The following RGS20 variants were observed in gnomAD, a reference collection of about 807,000 sequenced individuals.
RGS20 encodes the protein gz-selective GTPase-activating protein.
A neutral mutation model predicts 33.6 loss-of-function variants in RGS20; 30 were observed. The ratio of observed to expected loss-of-function variants is 0.89; its 90% CI spans 0.67 to 1.21. RGS20 has a LOEUF of 1.21. Ranked by LOEUF, RGS20 falls within the 50% of genes most tolerant of loss-of-function variation. The probability of loss-of-function intolerance (pLI) is 0.00; values close to 1 mark genes in which losing one functional copy is unlikely to be tolerated. For missense variants in RGS20, 472 were observed against 502.4 expected, an observed-to-expected ratio of 0.94 and a Z score of 0.58; for synonymous variants, 208 against 197.9, an observed-to-expected ratio of 1.05 and a Z score of -0.43.
At chr8:53,862,396 G>A (rs906836453) in intron 1 of RGS20, among the ~76,000 whole-genome samples, 1 of 152,150 alleles carries the variant, frequency 6.6e-6, no homozygotes, top group Non-Finnish European at 1.5e-5. Context: ...GGGGTTCAGG[G>A]CTACTTCCAG....
chr8:53,875,484 T>C (rs1585874315), intron 1 of RGS20, among the ~76,000 whole-genome samples: 1 of 147,588 alleles, frequency 6.8e-6, no homozygotes, highest in African/African-American at 2.5e-5. Flanking sequence ...AAACACCATC[T>C]CCTACCCTAA....
At chr8:53,931,211 A>C (rs1343908627) in intron 2 of RGS20, among the ~76,000 whole-genome samples, 1 of 152,172 alleles carries the variant, frequency 6.6e-6, no homozygotes, top group Non-Finnish European at 1.5e-5. Context: ...AAGAAGAAAA[A>C]AACAGTAAAG....
chr8:53,914,137 C>A (rs1211346756), intron 2 of RGS20, among the ~76,000 whole-genome samples: 1 of 150,060 alleles, frequency 6.7e-6, no homozygotes. Context: ...CTAAAGTGAT[C>A]CTCCTGCCTC....
At chr8:53,857,330 G>A (rs1811698135) in intron 1 of RGS20, among the ~76,000 whole-genome samples, 1 of 152,204 alleles carries the variant, frequency 6.6e-6, no homozygotes, top group South Asian at 2.1e-4. Context: ...AGGCCTTGTG[G>A]CTCAGGTCCT....
rs577393014 is a variant in RGS20, at chr8:53,917,450, C to T, written c.511-22126C>T. On this transcript the variant is annotated intron_variant, in intron 2 of 5. Transcript: ENST00000297313. ...AGGCATGAGCCACCATGCCCGGCCT[C>T]CTACTTTCTTTTTAACTGTTATTTT... 2.7e-3 allele frequency among the ~76,000 whole-genome samples: 412 copies of T among 152,202 alleles called. 4 individuals carry two copies. The highest frequency in any genetic ancestry group is 9.6e-3 in the African/African-American group (398 of 41,538).
intron 5 of RGS20, among the ~76,000 whole-genome samples, chr8:53,954,530 C>T (rs1333495903): frequency 6.6e-6 from 1 of 151,420 alleles, no homozygotes; most frequent in East Asian, 2.0e-4. Context: ...CTGGTGTGGT[C>T]ATGGGCGCCT....
chr8:53,909,370 C>T (rs1245220145), intron 2 of RGS20, among the ~76,000 whole-genome samples: 1 of 151,130 alleles, frequency 6.6e-6, no homozygotes, highest in African/African-American at 2.4e-5. Context: ...CAGCCTCAGC[C>T]TCCCAAATAG....
At chr8:53,897,610 ATTCT>A (rs1812903790) in intron 2 of RGS20, among the ~76,000 whole-genome samples, 1 of 152,232 alleles carries the variant, frequency 6.6e-6, no homozygotes, top group African/African-American at 2.4e-5. Context: ...ACCATAGTAC[ATTCT>A]TTCTTATTAG....
At chr8:53,886,370 A>C (rs1478648229) in intron 2 of RGS20, among the ~76,000 whole-genome samples, 2 of 152,200 alleles carry the variant, frequency 1.3e-5, no homozygotes, top group Non-Finnish European at 2.9e-5. Context: ...GATTACCTTG[A>C]TTCTAATCCA....
chr8:53,958,564 C>CCAGCAGA lies in RGS20; in HGVS notation c.*106_*107insCAGCAGA. The CCAGCAGA allele has an allele frequency of 1.9e-6, 1 of 516,484 alleles. No homozygotes were observed. Among genetic ancestry groups the CCAGCAGA allele is most frequent in the Non-Finnish European group, 3.0e-6 (1 of 328,806 alleles). 32.0% of individuals were successfully genotyped at this position (516,484 alleles called of 1,614,324 possible). ...TAGCATCTTCTGCTGGAGTAATACT[C>CCAGCAGA]AGGCTATTCTAATAACAGATGATTC... is the stretch of plus-strand genomic sequence containing the variant. On this transcript the variant is annotated 3_prime_UTR_variant, in exon 6 of 6. Transcript: ENST00000297313.
At chr8:53,955,952 G>A (rs1394292997) in intron 5 of RGS20, among the ~76,000 whole-genome samples, 2 of 152,170 alleles carry the variant, frequency 1.3e-5, no homozygotes, top group East Asian at 3.9e-4. Flanking sequence ...GGAATGTCAA[G>A]TTGAAGAAGC....
At chr8:53,928,693 C>T (rs1156450681) in intron 2 of RGS20, among the ~76,000 whole-genome samples, 4 of 151,910 alleles carry the variant, frequency 2.6e-5, no homozygotes, top group Non-Finnish European at 5.9e-5. Context: ...CGTGGTGGTG[C>T]ATGCCTGTAA....
At chr8:53,897,614 TTTC>T (rs1812904018) in intron 2 of RGS20, among the ~76,000 whole-genome samples, 1 of 152,198 alleles carries the variant, frequency 6.6e-6, no homozygotes, top group African/African-American at 2.4e-5. Context: ...TAGTACATTC[TTTC>T]TTATTAGCCT....
intron 5 of RGS20, among the ~76,000 whole-genome samples, chr8:53,956,051 G>A (rs934408543): frequency 2.0e-5 from 3 of 152,144 alleles, no homozygotes; most frequent in African/African-American, 7.2e-5. Flanking sequence ...GGGGCTCGGG[G>A]GTGAGCCATC....
intron 1 of RGS20, among the ~76,000 whole-genome samples, chr8:53,872,259 C>T (rs1322797716): frequency 6.6e-6 from 1 of 152,126 alleles, no homozygotes; most frequent in African/African-American, 2.4e-5. Context: ...CTTATTCCTA[C>T]CCTTGCCCCC....
intron 2 of RGS20, chr8:53,914,850 A>T (rs1253105957): frequency 6.6e-6 from 1 of 152,126 alleles, no homozygotes; most frequent in Admixed American, 6.5e-5. Flanking sequence ...AAATTTTTTT[A>T]ATGTTTAGTC....
intron 2 of RGS20, among the ~76,000 whole-genome samples, chr8:53,884,561 G>A (rs1178404204): frequency 6.6e-6 from 1 of 152,032 alleles, no homozygotes; most frequent in Non-Finnish European, 1.5e-5. Flanking sequence ...TACCTCCTTC[G>A]TTTTACAGAT....
chr8:53,859,691 A>G (rs1811765464), intron 1 of RGS20, among the ~76,000 whole-genome samples: 1 of 152,206 alleles, frequency 6.6e-6, no homozygotes, highest in Non-Finnish European at 1.5e-5. Flanking sequence ...GTTGATATAT[A>G]AAGAAAAAGA....
chr8:53,881,649 C>T (rs1368000099), intron 2 of RGS20, among the ~76,000 whole-genome samples: 1 of 152,106 alleles, frequency 6.6e-6, no homozygotes, highest in African/African-American at 2.4e-5. Context: ...GAAGTGGACG[C>T]CCCACGCGTG....
Sources: allele counts gnomAD v4.1 joint callset (sites outside exome capture counted in the v4.1 genomes callset), GRCh38; gene constraint gnomAD v4.1.1; transcripts MANE v1.5; gene names NCBI Gene and HGNC (gene_info 2026-07-23, HGNC 2026-07-21).